PCARE: variants seen among roughly 807,000 people sequenced by gnomAD.
PCARE encodes photoreceptor cilium actin regulator, also known as uncharacterized protein C2orf71.
A neutral mutation model predicts 82.2 loss-of-function variants in PCARE; 72 were observed. That is an observed-to-expected ratio of 0.88 (90% CI 0.72 to 1.07). The LOEUF is 1.07. PCARE is among the 50% of genes least tolerant of loss of function. The probability of loss-of-function intolerance (pLI) is 0.00; values close to 1 mark genes in which losing one functional copy is unlikely to be tolerated. For synonymous variants in PCARE, 705 were observed against 634.8 expected (o/e 1.11, Z -1.66); for missense variants, 1,768 against 1,592.4 (o/e 1.11, Z -1.88).
rs1667468098 is a variant in PCARE at position 29,071,032 on chromosome 2, T to G, written c.3230A>C (p.His1077Pro). The change falls in exon 1 of 2, where the codon CAC becomes CCC. Residue 1077 changes from histidine (H) to proline (P), a missense_variant. Coordinates refer to ENST00000331664, the MANE Select transcript of PCARE (RefSeq NM_001029883.3). ...CGAGAAAGGGGGGCTTGCTTCTGGGTGCTGGGTTGGGGGGCTGGGGACCTT... is the reference window on the plus strand; with the variant it reads ...CGAGAAAGGGGGGCTTGCTTCTGGGGGCTGGGTTGGGGGGCTGGGGACCTT... ...QCKVPSPPTQ[H>P]PEASPPFSIP... 5.0e-6 allele frequency: 6 copies of G among 1,202,200 alleles called. No individual in the cohort carries two copies. Among genetic ancestry groups the G allele is most frequent in the African/African-American group, 2.0e-5 (1 of 50,546 alleles). 74.5% of individuals were successfully genotyped at this position (1,202,200 alleles called of 1,614,324 possible).
Position 29,071,893 on chromosome 2 carries a change from T to G in PCARE, c.2369A>C (p.Glu790Ala), listed in dbSNP as rs200963687. 4.3e-5 allele frequency: 69 copies of G among 1,614,040 alleles called. No individual in the cohort carries two copies. The highest frequency in any genetic ancestry group is 8.3e-5 in the Admixed American group (5 of 60,000). ...CCAGCCTATGCCCATTTTGAGAGAT[T>G]CTCTGCCTGATGCTGGAGAAATTTG... is the stretch of plus-strand genomic sequence containing the variant. ...KPQISPASGR[E>A]SLKMGIGWKP... Residue 790 changes from glutamate to alanine, a missense_variant, in exon 1 of 2, where the codon GAA (glutamate) becomes GCA (alanine). Physicochemically the swap from Glu to Ala is moderately radical, Grantham distance 107. Transcript: ENST00000331664.
Position 29,071,102 on chromosome 2 carries a change from G to A in PCARE, c.3160C>T (p.Pro1054Ser), listed in dbSNP as rs1018948912. 6.9e-6 allele frequency: 11 copies of A among 1,597,908 alleles called. No homozygotes were observed. Among genetic ancestry groups the A allele is most frequent in the Middle Eastern group, 3.4e-4 (2 of 5,924 alleles). ...TCGGGGGGAGGGTTGGGCAACTTGG[G>A]CTGGTGCGGTGGGGAAGTTCGCCGC... is the stretch of plus-strand genomic sequence containing the variant. The part of the protein sequence containing the change: ...TKRRTSPPHQ[P>S]KLPNPPPESA... The change falls in exon 1 of 2, where the codon CCC becomes TCC. Residue 1054 changes from proline to serine, a missense_variant. Physicochemically the swap from Pro to Ser is moderately conservative, Grantham distance 74. Transcript: ENST00000331664.
chr2:29,070,938 G>T lies in PCARE; in HGVS notation c.3324C>A (p.Ser1108Arg), dbSNP rs1169319891. ...EHKETRDSED[S>R]QAVIAKVSGN... ...CAGACACTTTGGCTATGACTGCTTGGCTGTCTTCAGAGTCTCTTGTTTCCT... is the reference window on the plus strand; with the variant it reads ...CAGACACTTTGGCTATGACTGCTTGTCTGTCTTCAGAGTCTCTTGTTTCCT... The change falls in exon 1 of 2, where the codon AGC becomes AGA. Residue 1108 changes from serine to arginine, a missense_variant. Coordinates refer to ENST00000331664, the MANE Select transcript of PCARE (RefSeq NM_001029883.3). The T allele has an allele frequency of 6.2e-7, 1 of 1,613,604 alleles. No individual in the cohort carries two copies. Among genetic ancestry groups the T allele is most frequent in the Non-Finnish European group, 8.5e-7 (1 of 1,179,966 alleles).
chr2:29,071,196 G>A lies in PCARE; in HGVS notation c.3066C>T (p.Ser1022=), dbSNP rs753389377. 2.5e-6 allele frequency: 4 copies of A among 1,599,106 alleles called. No individual in the cohort carries two copies. The African/African-American group carries it at 5.4e-5, about 21-fold the overall frequency. ...TGGGGGGCGTCTGCACAGCAGAGGG[G>A]CTTGGCTGGGCAGGTCTGTAAGAGG... The part of the protein sequence containing the change: ...LPSSYRPAQP[S]PSAVQTPPSP... Residue 1022 remains serine, a synonymous_variant, in exon 1 of 2, where the codon AGC becomes AGT. Transcript: ENST00000331664.
At position 29,073,861 on chromosome 2, in the gene PCARE, C is replaced by G. The variant is rs375020883; in HGVS notation, c.401G>C (p.Ser134Thr). The change falls in exon 1 of 2, where the codon AGT becomes ACT. Residue 134 changes from serine (S) to threonine (T), a missense_variant. Coordinates refer to ENST00000331664, the MANE Select transcript of PCARE (RefSeq NM_001029883.3). ...AGTATCTTGGGTACTACTTTCCTCA[C>G]TCTCATCTCCAGAAAAGTCTGCCCC... ...SQGADFSGDE[S>T]EESSTQDTSK... 3 of 1,614,240 alleles carry G rather than the reference C, an allele frequency of 1.9e-6. No individual in the cohort carries two copies. Among genetic ancestry groups the G allele is most frequent in the Non-Finnish European group, 2.5e-6 (3 of 1,180,046 alleles).
intron 1 of PCARE, among the ~76,000 whole-genome samples, chr2:29,068,211 G>GCAATGTTA (rs551949100): frequency 1.8e-4 from 27 of 152,182 alleles, no homozygotes; most frequent in Non-Finnish European, 3.2e-4. Context: ...TAAGAAAAGA[G>GCAATGTTA]CAATGTTACA....
rs369031088 is a variant in PCARE, at chr2:29,070,673, G to A, written c.3589C>T (p.Arg1197Cys). ...GGCTGCGGTCGGCCACCTGGCTGGC[G>A]GTCAGAAGCTGTCCTCCTGAGGAAA... Reference protein sequence around the residue: ...LPFLRRTASDRQPGGRPQPPT... With the variant: ...LPFLRRTASDCQPGGRPQPPT... Residue 1197 changes from arginine (R) to cysteine (C), a missense_variant, in exon 1 of 2, where the codon CGC becomes TGC. Arg to Cys is a radical substitution (Grantham distance 180). Transcript: ENST00000331664. 62 of 1,614,018 alleles carry A rather than the reference G, an allele frequency of 3.8e-5. No homozygotes were observed. The highest frequency in any genetic ancestry group is 1.8e-4 in the Admixed American group (11 of 60,010).
rs1389801550 is a variant in PCARE, at chr2:29,062,446, G to A, written c.*2423C>T. ...CCCCTTCGTCTGCTGCCTGCAATAT[G>A]GTGGGTGGGCACTTCCTGCTGCTTG... On this transcript the variant is annotated 3_prime_UTR_variant, in exon 2 of 2. Transcript: ENST00000331664. 1 of 152,356 alleles carries A rather than the reference G, an allele frequency of 6.6e-6. No individual in the cohort carries two copies. The highest frequency in any genetic ancestry group is 6.5e-5 in the Admixed American group (1 of 15,286). The allele number at this position is 152,356 out of a possible 1,614,324, so 9.4% of individuals were successfully genotyped here.
chr2:29,067,813 G>C (rs1484886135), intron 1 of PCARE, among the ~76,000 whole-genome samples: 6 of 152,292 alleles, frequency 3.9e-5, no homozygotes, highest in Admixed American at 3.9e-4. Flanking sequence ...CCAAAGTGCT[G>C]GGATTACTGG....
intron 1 of PCARE, among the ~76,000 whole-genome samples, 172 bp from the exon 2 acceptor site, chr2:29,065,239 C>T (rs1199893298): frequency 6.6e-6 from 1 of 152,254 alleles, no homozygotes; most frequent in Non-Finnish European, 1.5e-5. Flanking sequence ...AGGCTGGTGC[C>T]GCCATTGCCG....
rs769057207 is a variant in PCARE, at chr2:29,072,198, G to C, written c.2064C>G (p.Cys688Trp). 1 of 1,614,122 alleles carries C rather than the reference G, an allele frequency of 6.2e-7. No individual in the cohort carries two copies. Among genetic ancestry groups the C allele is most frequent in the African/African-American group, 1.3e-5 (1 of 74,930 alleles). Residue 688 changes from cysteine to tryptophan, a missense_variant, in exon 1 of 2, where the codon TGC (cysteine) becomes TGG (tryptophan). Coordinates refer to ENST00000331664, the MANE Select transcript of PCARE (RefSeq NM_001029883.3). ...PSQDKSILQK[C>W]NPHPEDEQGK... Reference sequence around the variant, plus strand: ...CTTGTTCGTCCTCAGGATGGGGATTGCATTTCTGCAAGATGCTCTTGTCCT... The same window carrying C: ...CTTGTTCGTCCTCAGGATGGGGATTCCATTTCTGCAAGATGCTCTTGTCCT...
Position 29,064,674 on chromosome 2 carries a change from A to G in PCARE, c.*195T>C, listed in dbSNP as rs1572821739. 3 of 671,192 alleles carry G rather than the reference A, an allele frequency of 4.5e-6. No individual in the cohort carries two copies. The East Asian group carries it at 8.2e-5, about 18-fold the overall frequency. The allele number at this position is 671,192 out of a possible 1,614,324, so 41.6% of individuals were successfully genotyped here. On this transcript the variant is annotated 3_prime_UTR_variant, in exon 2 of 2. Coordinates refer to ENST00000331664, the MANE Select transcript of PCARE (RefSeq NM_001029883.3). ...CTGGTTAACCTTTGAACCCCAAGGC[A>G]GAGCAAGATCTGGGACTGAAAACGG...
rs1490171573 is a variant in PCARE, at chr2:29,070,961, C to T, written c.3301G>A (p.Glu1101Lys). The T allele has an allele frequency of 6.2e-7, 1 of 1,612,736 alleles. No homozygotes were observed. Among genetic ancestry groups the T allele is most frequent in the Non-Finnish European group, 8.5e-7 (1 of 1,179,890 alleles). ...PPMSPSQEHK[E>K]TRDSEDSQAV... The stretch of plus-strand genomic sequence containing the variant: ...TGGCTGTCTTCAGAGTCTCTTGTTT[C>T]CTTGTGCTCCTGAGAAGGGGACATT... Residue 1101 changes from glutamate (E) to lysine (K), a missense_variant, in exon 1 of 2, where the codon GAA becomes AAA. Coordinates refer to ENST00000331664, the MANE Select transcript of PCARE (RefSeq NM_001029883.3).
Position 29,071,402 on chromosome 2 carries a change from G to A in PCARE, c.2860C>T (p.Pro954Ser), listed in dbSNP as rs758883789. 2.5e-6 allele frequency: 4 copies of A among 1,613,526 alleles called. No homozygotes were observed. In the African/African-American group the frequency reaches 5.3e-5, roughly 22 times the overall value. The change falls in exon 1 of 2, where the codon CCC becomes TCC. Residue 954 changes from proline to serine, a missense_variant. Transcript: ENST00000331664. The stretch of plus-strand genomic sequence containing the variant: ...TGGTGCCAGGCGATGGCCTTCCGGG[G>A]CTGCCTGTAGAGGCTGGTGGCCTTC... ...AEKATSLYRQ[P>S]RKAIAWHHSG...
rs377127854 is a variant in PCARE, at chr2:29,073,837, G to T, written c.425C>A (p.Thr142Asn). ...DESEESSTQD[T>N]SKWKRTAKCH... ...TTTTGCTGTCCTTTTCCATTTGGAA[G>T]TATCTTGGGTACTACTTTCCTCACT... The change falls in exon 1 of 2, where the codon ACT becomes AAT. Residue 142 changes from threonine (T) to asparagine (N), a missense_variant. By Grantham distance (65) the Thr-to-Asn change is moderately conservative. Coordinates refer to ENST00000331664, the MANE Select transcript of PCARE (RefSeq NM_001029883.3). 1 of 1,614,218 alleles carries T rather than the reference G, an allele frequency of 6.2e-7. No homozygotes were observed.
In PCARE at chr2:29,071,625, G is replaced by C. The variant is rs754642093; in HGVS notation, c.2637C>G (p.Ser879=). 1.2e-6 allele frequency: 2 copies of C among 1,613,474 alleles called. No homozygotes were observed. Among genetic ancestry groups the C allele is most frequent in the African/African-American group, 2.7e-5 (2 of 74,936 alleles). ...EAGPTRRTWA[S]PKLRASVSPL... ...GGCTCACAGAGGCCCTCAGCTTTGGGGAAGCCCATGTTCTCCTGGTGGGGC... is the reference window on the plus strand; with the variant it reads ...GGCTCACAGAGGCCCTCAGCTTTGGCGAAGCCCATGTTCTCCTGGTGGGGC... Residue 879 remains serine, a synonymous_variant, in exon 1 of 2, where the codon TCC becomes TCG. Coordinates refer to ENST00000331664, the MANE Select transcript of PCARE (RefSeq NM_001029883.3).
At chr2:29,066,617 G>A (rs1345225893) in intron 1 of PCARE, among the ~76,000 whole-genome samples, 2 of 152,366 alleles carry the variant, frequency 1.3e-5, no homozygotes, top group Non-Finnish European at 2.9e-5. Context: ...GGTAGGAGTC[G>A]TGGGTAAGTG....
chr2:29,071,125 C>A lies in PCARE; in HGVS notation c.3137G>T (p.Arg1046Leu), dbSNP rs752697018. ...GGGCTGGTGCGGTGGGGAAGTTCGC[C>A]GCTTTGTGGTGGGTGGGCTTAGCAC... ...PRVLSPPTTK[R>L]RTSPPHQPKL... Residue 1046 changes from arginine to leucine, a missense_variant, in exon 1 of 2, where the codon CGG becomes CTG. Arg to Leu is a moderately radical substitution (Grantham distance 102). Transcript: ENST00000331664. 6.3e-7 allele frequency: 1 copy of A among 1,579,838 alleles called. No homozygotes were observed. The highest frequency in any genetic ancestry group is 1.4e-5 in the African/African-American group (1 of 72,548).
At position 29,073,009 on chromosome 2, in the gene PCARE, G is replaced by A; in HGVS notation, c.1253C>T (p.Pro418Leu). 1 of 1,614,152 alleles carries A rather than the reference G, an allele frequency of 6.2e-7. No homozygotes were observed. The highest frequency in any genetic ancestry group is 1.1e-5 in the South Asian group (1 of 91,078). The change falls in exon 1 of 2, where the codon CCT becomes CTT. Residue 418 changes from proline to leucine, a missense_variant. By Grantham distance (98) the Pro-to-Leu change is moderately conservative. Transcript: ENST00000331664. ...RPQDCLLSGAPMAKVQPRAQD... is the reference protein window; with the variant it reads ...RPQDCLLSGALMAKVQPRAQD... The stretch of plus-strand genomic sequence containing the variant: ...TGCTCGTGGCTGAACCTTTGCCATA[G>A]GAGCCCCTGAGAGCAGGCAGTCCTG...
Sources: allele counts gnomAD v4.1 joint callset (sites outside exome capture counted in the v4.1 genomes callset), GRCh38; gene constraint gnomAD v4.1.1; transcripts MANE v1.5; gene names NCBI Gene and HGNC (gene_info 2026-07-23, HGNC 2026-07-21).